KIF6: variants seen among roughly 807,000 people sequenced by gnomAD.
KIF6 encodes the protein kinesin-like protein KIF6.
A neutral mutation model predicts 112.7 loss-of-function variants in KIF6; 106 were observed. That is an observed-to-expected ratio of 0.94 (90% CI 0.80 to 1.11). The LOEUF (loss-of-function observed/expected upper bound fraction) is 1.11. KIF6 is among the 50% of genes least tolerant of loss of function. KIF6 has a pLI of 0.00. For missense variants in KIF6, 929 were observed against 964.0 expected (o/e 0.96, Z 0.48); for synonymous variants, 339 against 339.9 (o/e 1.00, Z 0.03).
intron 5 of KIF6, 151 bp downstream of exon 5, chr6:39,634,698 A>C: frequency 1.6e-6 from 1 of 620,112 alleles, no homozygotes; most frequent in Non-Finnish European, 2.9e-6. Flanking sequence ...GTCATAACTG[A>C]AAAAAAAATC....
intron 4 of KIF6, among the ~76,000 whole-genome samples, chr6:39,636,295 C>T (rs1374653830): frequency 6.6e-6 from 1 of 152,022 alleles, no homozygotes; most frequent in Non-Finnish European, 1.5e-5. Context: ...TAAAGCAACT[C>T]TCAGCCTTCC....
At chr6:39,381,193 G>GA (rs1347600029) in intron 16 of KIF6, among the ~76,000 whole-genome samples, 1 of 152,098 alleles carries the variant, frequency 6.6e-6, no homozygotes, top group Non-Finnish European at 1.5e-5. Flanking sequence ...AAACATATAA[G>GA]AAAAACTCTC....
intron 15 of KIF6, among the ~76,000 whole-genome samples, chr6:39,394,705 G>A (rs1042010349): frequency 3.9e-5 from 6 of 152,220 alleles, no homozygotes; most frequent in African/African-American, 1.4e-4. Context: ...TGGCCTAAAT[G>A]CTAGGCAAAT....
chr6:39,513,040 C>CA (rs1463729566), intron 13 of KIF6, among the ~76,000 whole-genome samples: 1 of 152,104 alleles, frequency 6.6e-6, no homozygotes, highest in Non-Finnish European at 1.5e-5. Flanking sequence ...ATAATTTGCC[C>CA]AAAATCACAC....
At chr6:39,351,179 A>C (rs1764212441) in intron 19 of KIF6, among the ~76,000 whole-genome samples, 2 of 117,768 alleles carry the variant, frequency 1.7e-5, no homozygotes, top group African/African-American at 4.1e-5. Context: ...CACTAGGATT[A>C]AACTTTTTTT....
At chr6:39,340,156 GACCCCGTGTCA>G (rs1275538361) in intron 22 of KIF6, among the ~76,000 whole-genome samples, 19 of 152,346 alleles carry the variant, frequency 1.2e-4, no homozygotes, top group African/African-American at 3.6e-4. Context: ...GTGGCAGAGG[GACCCCGTGTCA>G]ACCTGTCTTT....
At chr6:39,406,583 A>G (rs893622912) in intron 15 of KIF6, among the ~76,000 whole-genome samples, 2 of 152,280 alleles carry the variant, frequency 1.3e-5, no homozygotes, top group Admixed American at 6.5e-5. Context: ...CTTTGCCACT[A>G]TATGTGTTGA....
intron 22 of KIF6, among the ~76,000 whole-genome samples, chr6:39,337,304 C>CTTCT (rs1475965617): frequency 1.3e-4 from 18 of 141,776 alleles, no homozygotes; most frequent in African/African-American, 4.6e-4. Context: ...TCCTTCCTTC[C>CTTCT]TTCTTTCTTT....
intron 11 of KIF6, 126 bp downstream of exon 11, chr6:39,545,457 A>G (rs1313954143): frequency 1.6e-6 from 1 of 622,842 alleles, no homozygotes; most frequent in East Asian, 2.8e-5. Context: ...TGATTCAAAG[A>G]TCGTACCATT....
chr6:39,668,483 G>T (rs1469101429), intron 3 of KIF6, among the ~76,000 whole-genome samples: 1 of 151,810 alleles, frequency 6.6e-6, no homozygotes, highest in Admixed American at 6.6e-5. Context: ...TCTCCCTACT[G>T]AACATCTCCT....
chr6:39,451,779 C>T (rs1772715062), intron 13 of KIF6, among the ~76,000 whole-genome samples: 1 of 152,024 alleles, frequency 6.6e-6, no homozygotes, highest in Admixed American at 6.6e-5. Flanking sequence ...TGATAAAAAC[C>T]CTAACTGAAA....
chr6:39,622,359 TTTTG>T (rs141168020), intron 5 of KIF6, among the ~76,000 whole-genome samples: 8,339 of 152,154 alleles, frequency 0.055, 744 homozygotes, highest in African/African-American at 0.19. Flanking sequence ...GTATTAGAAA[TTTTG>T]TTTGTTTTAA....
At chr6:39,449,396 C>T (rs1320727355) in intron 13 of KIF6, among the ~76,000 whole-genome samples, 2 of 152,182 alleles carry the variant, frequency 1.3e-5, no homozygotes, top group Admixed American at 6.5e-5. Flanking sequence ...GCTCCCTGGC[C>T]GCCTTTCAGC....
chr6:39,468,365 T>A (rs75350065), intron 13 of KIF6, among the ~76,000 whole-genome samples: 4,000 of 152,082 alleles, frequency 0.026, 187 homozygotes, highest in African/African-American at 0.087. Context: ...AGGTTATAGA[T>A]CCAAGAGTCT....
chr6:39,363,444 C>T (rs569450834), intron 16 of KIF6, among the ~76,000 whole-genome samples: 31 of 152,060 alleles, frequency 2.0e-4, no homozygotes, highest in South Asian at 1.2e-3. Flanking sequence ...CGTGTGTCTG[C>T]GTCCCTGCTG....
chr6:39,424,876 G>A (rs1271178119), intron 14 of KIF6, among the ~76,000 whole-genome samples: 1 of 152,200 alleles, frequency 6.6e-6, no homozygotes, highest in Non-Finnish European at 1.5e-5. Flanking sequence ...AATGGTCAAG[G>A]ACACTCAAGA....
At chr6:39,369,856 CCTT>C (rs1765834894) in intron 16 of KIF6, among the ~76,000 whole-genome samples, 1 of 152,200 alleles carries the variant, frequency 6.6e-6, no homozygotes, top group South Asian at 2.1e-4. Context: ...CTCCACGACT[CCTT>C]CTGCTGGAAC....
intron 13 of KIF6, among the ~76,000 whole-genome samples, chr6:39,441,066 G>C: frequency 6.6e-6 from 1 of 152,186 alleles, no homozygotes; most frequent in Non-Finnish European, 1.5e-5. Context: ...CTCCCACAAG[G>C]ATGCTTGTGA....
At chr6:39,681,434 G>A (rs1787503088) in intron 3 of KIF6, among the ~76,000 whole-genome samples, 1 of 151,942 alleles carries the variant, frequency 6.6e-6, no homozygotes, top group African/African-American at 2.4e-5. Flanking sequence ...AGCTTTTTAT[G>A]CTACAAAAAG....
Sources: allele counts gnomAD v4.1 joint callset (sites outside exome capture counted in the v4.1 genomes callset), GRCh38; gene constraint gnomAD v4.1.1; transcripts MANE v1.5; gene names NCBI Gene and HGNC (gene_info 2026-07-23, HGNC 2026-07-21).